Variants in TENM3 observed in about 807,000 individuals in gnomAD.
TENM3 encodes teneurin transmembrane protein 3, also known as teneurin-3.
A neutral mutation model predicts 255.1 loss-of-function variants in TENM3; 63 were observed. The observed-to-expected ratio is 0.25, with a 90% CI of 0.20 to 0.30. TENM3 has a LOEUF of 0.30. Ranked by LOEUF, TENM3 falls within the 10% of genes least tolerant of loss-of-function variation. TENM3 has a pLI of 1.00. For missense variants in TENM3, 2,929 were observed against 3,461.1 expected (o/e 0.85, Z 3.86); for synonymous variants, 1,306 against 1,322.3 (o/e 0.99, Z 0.27).
the TENM3 span, among the ~76,000 whole-genome samples, chr4:182,099,854 A>G: frequency 2.0e-5 from 3 of 152,188 alleles, no homozygotes; most frequent in Non-Finnish European, 4.4e-5. Context: ...ATGAGCAAAC[A>G]GAAGTTATGA....
chr4:181,533,822 CTG>C, the TENM3 span, among the ~76,000 whole-genome samples: 3 of 152,258 alleles, frequency 2.0e-5, no homozygotes, highest in East Asian at 5.8e-4. Context: ...TTTCCAAACT[CTG>C]TCTTATTGGA....
chr4:181,614,835 T>A, the TENM3 span, among the ~76,000 whole-genome samples: 2 of 152,218 alleles, frequency 1.3e-5, no homozygotes, highest in Non-Finnish European at 2.9e-5. Context: ...GCAAATTTCC[T>A]CCAGGCTCAT....
intron 3 of TENM3, among the ~76,000 whole-genome samples, chr4:182,370,883 G>C (rs1447681956): frequency 2.6e-5 from 4 of 152,136 alleles, no homozygotes; most frequent in Non-Finnish European, 5.9e-5. Flanking sequence ...AGAGACATTA[G>C]TTTTATTTTC....
chr4:182,000,505 A>G, the TENM3 span, among the ~76,000 whole-genome samples: 25 of 152,234 alleles, frequency 1.6e-4, no homozygotes, highest in Non-Finnish European at 3.2e-4. Context: ...GATGGTCTCT[A>G]CTTATCCCTT....
intron 1 of TENM3, among the ~76,000 whole-genome samples, chr4:182,155,589 T>G (rs1384916333): frequency 6.6e-6 from 1 of 152,170 alleles, no homozygotes; most frequent in Non-Finnish European, 1.5e-5. Context: ...TCATAATCTT[T>G]CATAATTGGT....
chr4:181,889,678 A>G, the TENM3 span, among the ~76,000 whole-genome samples: 1 of 152,334 alleles, frequency 6.6e-6, no homozygotes, highest in East Asian at 1.9e-4. Context: ...TTTGAACAGC[A>G]AAGATACAGA....
intron 3 of TENM3, among the ~76,000 whole-genome samples, chr4:182,462,881 C>T (rs1732175282): frequency 8.5e-6 from 1 of 117,128 alleles, no homozygotes; most frequent in Non-Finnish European, 1.9e-5. Context: ...GGTGAGACTC[C>T]ATCTCAAAAA....
intron 1 of TENM3, among the ~76,000 whole-genome samples, chr4:182,159,385 G>A (rs537178037): frequency 6.6e-6 from 1 of 152,118 alleles, no homozygotes; most frequent in Non-Finnish European, 1.5e-5. Flanking sequence ...GATGAAATGA[G>A]CTAACACACA....
chr4:181,500,130 GC>G, the TENM3 span, among the ~76,000 whole-genome samples: 4 of 151,976 alleles, frequency 2.6e-5, no homozygotes, highest in Non-Finnish European at 5.9e-5. Context: ...TTAGGTTCAA[GC>G]GATTCTCCCG....
chr4:181,778,527 G>C, the TENM3 span, among the ~76,000 whole-genome samples: 1 of 152,106 alleles, frequency 6.6e-6, no homozygotes, highest in African/African-American at 2.4e-5. Context: ...AGATCCCGCC[G>C]TGTTTCCCTG....
chr4:182,054,443 GT>G, the TENM3 span, among the ~76,000 whole-genome samples: 1 of 152,156 alleles, frequency 6.6e-6, no homozygotes, highest in Non-Finnish European at 1.5e-5. Context: ...GTGACGTACT[GT>G]TAGGGGAGAA....
chr4:182,296,172 A>G (rs190674864), intron 1 of TENM3, among the ~76,000 whole-genome samples: 15 of 152,278 alleles, frequency 9.9e-5, no homozygotes, highest in African/African-American at 3.6e-4. Context: ...CACGTTGGTC[A>G]GGCTGGTCTC....
the TENM3 span, among the ~76,000 whole-genome samples, chr4:182,046,292 C>T: frequency 1.3e-5 from 2 of 152,004 alleles, no homozygotes; most frequent in Non-Finnish European, 2.9e-5. Flanking sequence ...GAAATATTAT[C>T]TTTTTATATC....
upstream of TENM3, among the ~76,000 whole-genome samples, chr4:182,239,006 G>C (rs1757065626): frequency 6.7e-6 from 1 of 148,832 alleles, no homozygotes; most frequent in African/African-American, 2.5e-5. Context: ...ATCTCCCCAA[G>C]AATATTCTTA....
At chr4:182,579,096 T>C (rs754273116) in intron 3 of TENM3, among the ~76,000 whole-genome samples, 18 of 152,242 alleles carry the variant, frequency 1.2e-4, no homozygotes, top group Non-Finnish European at 2.1e-4. Flanking sequence ...ACACCTGCCT[T>C]CTTCTGTATC....
In TENM3 at chr4:182,736,820, G is replaced by C. The variant is rs747756863; in HGVS notation, c.2980G>C (p.Glu994Gln). 83 of 1,612,902 alleles carry C rather than the reference G, an allele frequency of 5.1e-5. No homozygotes were observed. Among genetic ancestry groups the C allele is most frequent in the Non-Finnish European group, 7.0e-5 (82 of 1,179,624 alleles). The change falls in exon 17 of 28, where the codon GAA (glutamate) becomes CAA (glutamine). Residue 994 changes from glutamate (E) to glutamine (Q), a missense_variant. This residue lies in a region of TENM3 where 1,608 missense variants were observed against 1,884.4 expected (regional missense o/e 0.85). Coordinates refer to ENST00000511685, the MANE Select transcript of TENM3 (RefSeq NM_001080477.4). The part of the protein sequence containing the change: ...IIPETQVLHE[E>Q]TTIPGTDLKL... Reference sequence around the variant, plus strand: ...TATTCAAACTTAGGTACTCCACGAGGAAACTACAATTCCAGGAACAGATTT... The same window carrying C: ...TATTCAAACTTAGGTACTCCACGAGCAAACTACAATTCCAGGAACAGATTT...
chr4:181,532,558 T>G, the TENM3 span, among the ~76,000 whole-genome samples: 1 of 152,172 alleles, frequency 6.6e-6, no homozygotes, highest in African/African-American at 2.4e-5. Context: ...GGGAACAGGT[T>G]CTGGTTGGAG....
intron 6 of TENM3, among the ~76,000 whole-genome samples, chr4:182,654,780 A>G (rs1381572046): frequency 6.6e-6 from 1 of 152,174 alleles, no homozygotes; most frequent in South Asian, 2.1e-4. Context: ...AAATTATTCT[A>G]CATTTAATGA....
intron 1 of TENM3, among the ~76,000 whole-genome samples, chr4:182,184,038 G>A (rs938632711): frequency 5.3e-5 from 8 of 152,086 alleles, no homozygotes; most frequent in African/African-American, 1.7e-4. Flanking sequence ...AGAAGCATTT[G>A]GTAAGTTTTG....
Sources: allele counts gnomAD v4.1 joint callset (sites outside exome capture counted in the v4.1 genomes callset), GRCh38; gene constraint gnomAD v4.1.1; regional missense constraint gnomAD v4.1.1; transcripts MANE v1.5; gene names NCBI Gene and HGNC (gene_info 2026-07-23, HGNC 2026-07-21).